Variants in AK5 observed in about 807,000 individuals in gnomAD.
AK5 encodes adenylate kinase isoenzyme 5.
A neutral mutation model predicts 69.5 loss-of-function variants in AK5; 27 were observed. The observed-to-expected ratio is 0.39, with a 90% CI of 0.29 to 0.54. AK5 has a LOEUF of 0.54. AK5 is among the 20% of genes least tolerant of loss of function. AK5 has a pLI of 0.71. For synonymous variants in AK5, 260 were observed against 244.4 expected (o/e 1.06, Z -0.60); for missense variants, 531 against 700.4 (o/e 0.76, Z 2.73).
At chr1:77,354,385 A>G (rs1662384790) in intron 6 of AK5, among the ~76,000 whole-genome samples, 1 of 152,204 alleles carries the variant, frequency 6.6e-6, no homozygotes, top group Non-Finnish European at 1.5e-5. Flanking sequence ...AAGAGCTCCT[A>G]TATGAAGTAA....
intron 5 of AK5, among the ~76,000 whole-genome samples, chr1:77,339,895 C>T (rs1186320434): frequency 1.3e-5 from 2 of 152,118 alleles, no homozygotes; most frequent in Admixed American, 1.3e-4. Context: ...GCTGAAATTA[C>T]AGGTGTGAGC....
intron 6 of AK5, among the ~76,000 whole-genome samples, chr1:77,384,083 GC>G (rs1433488202): frequency 1.3e-5 from 2 of 152,018 alleles, no homozygotes; most frequent in South Asian, 2.1e-4. Context: ...ATAATAGCAG[GC>G]CCTTATTCTA....
intron 10 of AK5, among the ~76,000 whole-genome samples, chr1:77,488,045 G>C (rs1254875015): frequency 6.6e-6 from 1 of 152,188 alleles, no homozygotes; most frequent in Non-Finnish European, 1.5e-5. Flanking sequence ...CCCTAAGAAT[G>C]TAACATTTAA....
At chr1:77,283,423 A>C in intron 1 of AK5, 1 of 984,124 alleles carries the variant, frequency 1.0e-6, no homozygotes, top group Non-Finnish European at 1.2e-6. Context: ...ACTAAAGGTC[A>C]TGAGGGTTTT....
intron 10 of AK5, among the ~76,000 whole-genome samples, chr1:77,515,623 C>A (rs1385784135): frequency 6.6e-6 from 1 of 152,178 alleles, no homozygotes; most frequent in East Asian, 1.9e-4. Flanking sequence ...AAGAGTAAGA[C>A]AGGCAGGGAG....
At chr1:77,314,528 A>G (rs1660137645) in intron 5 of AK5, 1 of 152,742 alleles carries the variant, frequency 6.5e-6, no homozygotes, top group East Asian at 1.9e-4. Context: ...ATTGATACAC[A>G]ATCATATATT....
chr1:77,449,114 AAG>A (rs1397864028), intron 8 of AK5, among the ~76,000 whole-genome samples: 2 of 152,176 alleles, frequency 1.3e-5, no homozygotes, highest in East Asian at 3.9e-4. Context: ...GAGCTATGAG[AAG>A]AGGTCCACTG....
Position 77,340,486 on chromosome 1 carries a change from C to A in AK5, c.809C>A (p.Ala270Asp). 1 of 1,614,122 alleles carries A rather than the reference C, an allele frequency of 6.2e-7. No homozygotes were observed. The highest frequency in any genetic ancestry group is 8.5e-7 in the Non-Finnish European group (1 of 1,179,980). ...GGCCGACCAGACGACAATGTAAAAG[C>A]TACCCAAAGGAGACTAATGAACTTC... ...QQGRPDDNVKATQRRLMNFKQ... is the reference protein window; with the variant it reads ...QQGRPDDNVKDTQRRLMNFKQ... Residue 270 changes from alanine (A) to aspartate (D), a missense_variant, in exon 6 of 14, where the codon GCT becomes GAT. Coordinates refer to ENST00000354567, the MANE Select transcript of AK5 (RefSeq NM_174858.3).
chr1:77,364,255 A>G (rs1326710174), intron 6 of AK5, among the ~76,000 whole-genome samples: 3 of 152,210 alleles, frequency 2.0e-5, no homozygotes, highest in South Asian at 2.1e-4. Context: ...TAATTGACAT[A>G]TAATAATTGT....
intron 8 of AK5, among the ~76,000 whole-genome samples, chr1:77,458,212 A>T (rs1046553730): frequency 6.6e-6 from 1 of 151,616 alleles, no homozygotes; most frequent in Non-Finnish European, 1.5e-5. Context: ...TCTAGAGGCT[A>T]CACACTCCCT....
intron 6 of AK5, among the ~76,000 whole-genome samples, chr1:77,361,904 T>A (rs761417658): frequency 1.3e-5 from 2 of 152,154 alleles, no homozygotes; most frequent in African/African-American, 2.4e-5. Context: ...GGAGTTACAA[T>A]TCCAGGTGAG....
chr1:77,440,364 T>C (rs1652248772), intron 8 of AK5, among the ~76,000 whole-genome samples: 1 of 152,232 alleles, frequency 6.6e-6, no homozygotes, highest in South Asian at 2.1e-4. Flanking sequence ...GATTCCCTTA[T>C]AAGTAGCTCT....
chr1:77,526,578 C>A (rs1316445622), intron 12 of AK5, among the ~76,000 whole-genome samples: 1 of 149,958 alleles, frequency 6.7e-6, no homozygotes, highest in Non-Finnish European at 1.5e-5. Flanking sequence ...CGGGTTCACG[C>A]CATTCTCCTG....
intron 8 of AK5, among the ~76,000 whole-genome samples, chr1:77,435,954 T>A (rs755319150): frequency 3.0e-4 from 45 of 152,198 alleles, no homozygotes; most frequent in Non-Finnish European, 5.0e-4. Flanking sequence ...CCTTTCACGA[T>A]CTGCACAGAC....
At chr1:77,401,417 A>T (rs1570506188) in intron 6 of AK5, among the ~76,000 whole-genome samples, 2 of 152,318 alleles carry the variant, frequency 1.3e-5, no homozygotes, top group African/African-American at 4.8e-5. Flanking sequence ...GCATGAATCA[A>T]GGGAGAAGTA....
At chr1:77,526,446 A>AAGCGATGG (rs963074937) in intron 12 of AK5, among the ~76,000 whole-genome samples, 3 of 149,850 alleles carry the variant, frequency 2.0e-5, no homozygotes, top group African/African-American at 7.4e-5. Context: ...GCATGTTTGG[A>AAGCGATGG]AGCGATGGGA....
chr1:77,386,163 G>A (rs1020644527), intron 6 of AK5, among the ~76,000 whole-genome samples: 5 of 152,238 alleles, frequency 3.3e-5, no homozygotes, highest in Non-Finnish European at 4.4e-5. Context: ...ATCAATATTA[G>A]TTTTCTTTGA....
intron 8 of AK5, among the ~76,000 whole-genome samples, chr1:77,475,650 T>G (rs1654896390): frequency 6.7e-6 from 1 of 150,176 alleles, no homozygotes; most frequent in Admixed American, 6.7e-5. Context: ...GCTCTGTAAT[T>G]CCCAGTGACT....
chr1:77,540,345 C>T (rs572884050), intron 13 of AK5, among the ~76,000 whole-genome samples: 1 of 152,352 alleles, frequency 6.6e-6, no homozygotes, highest in Non-Finnish European at 1.5e-5. Context: ...TGCCCTGCAT[C>T]TGAGAAAGAA....
Sources: allele counts gnomAD v4.1 joint callset (sites outside exome capture counted in the v4.1 genomes callset), GRCh38; gene constraint gnomAD v4.1.1; transcripts MANE v1.5; gene names NCBI Gene and HGNC (gene_info 2026-07-23, HGNC 2026-07-21).